The following PI4KA variants were observed in gnomAD, a reference collection of about 807,000 sequenced individuals.
The protein encoded by PI4KA is PI4-kinase alpha.
A neutral mutation model predicts 271.4 loss-of-function variants in PI4KA; 122 were observed. The ratio of observed to expected loss-of-function variants is 0.45; its 90% confidence interval spans 0.39 to 0.52. The LOEUF (loss-of-function observed/expected upper bound fraction) is 0.52, where lower values mean the gene tolerates loss of function less well. Ranked by LOEUF, PI4KA falls within the 20% of genes least tolerant of loss-of-function variation. The pLI is 0.00. For missense variants in PI4KA, 1,969 were observed against 2,769.1 expected, an observed-to-expected ratio of 0.71 and a Z score of 6.48; for synonymous variants, 1,041 against 1,078.8, an observed-to-expected ratio of 0.96 and a Z score of 0.69.
intron 29 of PI4KA, 135 bp from the exon 30 acceptor site, chr22:20,744,855 G>T (rs1035460236): frequency 2.1e-5 from 12 of 569,672 alleles, no homozygotes; most frequent in Non-Finnish European, 3.0e-5. Context: ...CTTCACTGCT[G>T]GCAAGTTAAT....
intron 8 of PI4KA, among the ~76,000 whole-genome samples, chr22:20,811,510 G>A (rs1921002109): frequency 6.7e-6 from 1 of 149,820 alleles, no homozygotes; most frequent in Admixed American, 6.7e-5. Context: ...TCAAACTAGA[G>A]CTCATATTTT....
chr22:20,717,422 C>A (rs2074995673), intron 45 of PI4KA, among the ~76,000 whole-genome samples: 1 of 152,276 alleles, frequency 6.6e-6, no homozygotes, highest in African/African-American at 2.4e-5. Context: ...TAGGAACCCT[C>A]TTCTAGAGTA....
At chr22:20,793,806 GAT>G (rs1261957407) in intron 18 of PI4KA, among the ~76,000 whole-genome samples, 1 of 152,220 alleles carries the variant, frequency 6.6e-6, no homozygotes, top group African/African-American at 2.4e-5. Flanking sequence ...CTTAATAAAA[GAT>G]AGACTCTCTG....
chr22:20,832,819 G>A (rs1254936956), intron 3 of PI4KA, among the ~76,000 whole-genome samples: 2 of 152,074 alleles, frequency 1.3e-5, no homozygotes, highest in East Asian at 1.9e-4. Context: ...ATCCTTTACA[G>A]TCTTTGGATT....
intron 1 of PI4KA, among the ~76,000 whole-genome samples, chr22:20,843,162 A>G (rs1187254892): frequency 1.3e-5 from 2 of 151,868 alleles, no homozygotes; most frequent in South Asian, 4.1e-4. Context: ...TGTATTTCCC[A>G]TATTTTCTAT....
chr22:20,832,014 C>CT (rs1414872550), intron 3 of PI4KA, among the ~76,000 whole-genome samples: 20 of 151,628 alleles, frequency 1.3e-4, no homozygotes, highest in African/African-American at 4.6e-4. Context: ...GGTGTTCATT[C>CT]TTTATTTTCT....
chr22:20,836,935 G>A (rs900160634), intron 2 of PI4KA, among the ~76,000 whole-genome samples: 6 of 152,068 alleles, frequency 3.9e-5, no homozygotes, highest in African/African-American at 1.4e-4. Flanking sequence ...ATCAAGAAAC[G>A]TGTTTGCCAA....
At chr22:20,779,764 T>C in intron 19 of PI4KA, 1 of 1,614,178 alleles carries the variant, frequency 6.2e-7, no homozygotes, top group Non-Finnish European at 8.5e-7. Flanking sequence ...TTCGATAACA[T>C]CTTCATAGCA....
chr22:20,726,465 C>T (rs200550548), intron 42 of PI4KA, 23 bp downstream of exon 42: 78 of 1,538,908 alleles, frequency 5.1e-5, no homozygotes, highest in Non-Finnish European at 5.3e-5. Flanking sequence ...GTGAAGAGGA[C>T]GGCCATGCAG....
Position 20,758,838 on chromosome 22 carries a change from T to C in PI4KA, c.2791+2466A>G, listed in dbSNP as rs541335019. Reference sequence around the variant, plus strand: ...CCATCCCTGGCCTCAAATGGGCTCCTTGCTCACTCCAATCCCCTCCTTACT... The same window carrying C: ...CCATCCCTGGCCTCAAATGGGCTCCCTGCTCACTCCAATCCCCTCCTTACT... On this transcript the variant is annotated intron_variant, in intron 23 of 54. Transcript: ENST00000255882. 8.5e-4 allele frequency among the ~76,000 whole-genome samples: 130 copies of C among 152,248 alleles called. 1 individual carries two copies. Among genetic ancestry groups the C allele is most frequent in the African/African-American group, 2.9e-3 (122 of 41,562 alleles).
intron 32 of PI4KA, among the ~76,000 whole-genome samples, chr22:20,737,087 A>AAGCCACTGAAGGGATGCACCTGGACTAGG (rs1928824470): frequency 6.6e-6 from 1 of 152,216 alleles, no homozygotes; most frequent in Non-Finnish European, 1.5e-5. Flanking sequence ...GCTGTGGGCC[A>AAGCCACTGAAGGGATGCACCTGGACTAGG]AGCCACTGAA....
At chr22:20,849,168 T>A (rs1226342376) in intron 1 of PI4KA, among the ~76,000 whole-genome samples, 1 of 152,220 alleles carries the variant, frequency 6.6e-6, no homozygotes, top group African/African-American at 2.4e-5. Context: ...TCCACTAGGA[T>A]GGCTATAACT....
chr22:20,745,134 C>T (rs1192543571), intron 29 of PI4KA, among the ~76,000 whole-genome samples: 1 of 152,206 alleles, frequency 6.6e-6, no homozygotes, highest in Non-Finnish European at 1.5e-5. Context: ...GGCTCTTAAA[C>T]ATCTGCTGGC....
Position 20,749,962 on chromosome 22 carries a change from C to G in PI4KA, c.3186G>C (p.Gly1062=). The change falls in exon 28 of 55, where the codon GGG becomes GGC. Residue 1062 remains glycine (G), a synonymous_variant. Coordinates refer to ENST00000255882, the MANE Select transcript of PI4KA (RefSeq NM_058004.4). ...ACTTCATGGCCTCCTGGAGGATCAT[C>G]CCACAGCGTGCAGCGAAGTCCTTCA... ...SIVKDFAARC[G]MILQEAMKWA... is the part of the protein sequence containing the mutation. The G allele has an allele frequency of 1.2e-6, 2 of 1,613,632 alleles. No individual in the cohort carries two copies. Among genetic ancestry groups the G allele is most frequent in the Non-Finnish European group, 1.7e-6 (2 of 1,179,538 alleles).
rs376752811 is a variant in PI4KA, at chr22:20,789,425, G to A, written c.2328+3768C>T. On this transcript the variant is annotated intron_variant, in intron 19 of 54. Coordinates refer to ENST00000255882, the MANE Select transcript of PI4KA (RefSeq NM_058004.4). ...GCTCACTGCAACCTCCGCCTCCTGG[G>A]TTCAAGCAATTCTCCTGCCTAAGCC... Among the ~76,000 whole-genome samples the A allele has an allele frequency of 1.1e-4, 16 of 152,312 alleles. No homozygotes were observed. The South Asian group carries it at 2.9e-3, about 28-fold the overall frequency.
chr22:20,722,579 T>C (rs535304988), intron 42 of PI4KA, among the ~76,000 whole-genome samples: 1 of 152,338 alleles, frequency 6.6e-6, no homozygotes, highest in East Asian at 1.9e-4. Flanking sequence ...TCTTGGTCAT[T>C]TTCCGCCACT....
At chr22:20,779,133 T>G in intron 19 of PI4KA, 1 of 1,499,262 alleles carries the variant, frequency 6.7e-7, no homozygotes, top group Non-Finnish European at 8.9e-7. Flanking sequence ...TGGGTGTCTA[T>G]CTACATCAGA....
At chr22:20,711,698 G>C (rs1029946826) in intron 50 of PI4KA, among the ~76,000 whole-genome samples, 10 of 152,120 alleles carry the variant, frequency 6.6e-5, no homozygotes, top group Non-Finnish European at 1.5e-4. Flanking sequence ...CTTCTAAGGA[G>C]TCCAACCCAG....
At chr22:20,818,579 GA>G in intron 6 of PI4KA, 30 bp from the exon 7 acceptor site, 1 of 1,494,960 alleles carries the variant, frequency 6.7e-7, no homozygotes, top group South Asian at 1.4e-5. Context: ...TTACATATCA[GA>G]AAAGACCAGT....
Sources: gnomAD v4.1 joint callset for allele counts (sites outside exome capture counted in the v4.1 genomes callset) on GRCh38, gnomAD v4.1.1 for gene constraint, MANE v1.5 for transcripts, NCBI Gene and HGNC (gene_info 2026-07-23, HGNC 2026-07-21) for gene names.